Variants in ADK observed in about 807,000 individuals in gnomAD.
The protein encoded by ADK is N6,N6-dimethyladenosine kinase.
A neutral mutation model predicts 44.7 loss-of-function variants in ADK; 24 were observed. The ratio of observed to expected loss-of-function variants is 0.54; its 90% CI spans 0.39 to 0.76. The LOEUF is 0.76. Ranked by LOEUF, ADK falls within the 30% of genes least tolerant of loss-of-function variation. The pLI is 0.00. For synonymous variants in ADK, 128 were observed against 142.6 expected (o/e 0.90, Z 0.73); for missense variants, 321 against 425.1 (o/e 0.76, Z 2.15).
At chr10:74,563,510 A>G (rs1850536501) in intron 7 of ADK, among the ~76,000 whole-genome samples, 1 of 152,246 alleles carries the variant, frequency 6.6e-6, no homozygotes, top group Non-Finnish European at 1.5e-5. Context: ...CATAGAGCAC[A>G]TACAATAGGT....
rs1423441752 is a variant in ADK at position 74,709,208 on chromosome 10, A to C, written c.*763A>C. The C allele has an allele frequency of 3.3e-5, 5 of 152,220 alleles. No individual in the cohort carries two copies. The highest frequency in any genetic ancestry group is 7.3e-5 in the Non-Finnish European group (5 of 68,054). The allele number at this position is 152,220 out of a possible 1,614,324, so 9.4% of individuals were successfully genotyped here. Reference sequence around the variant, plus strand: ...GCCCTGAAATGACACCCAATTTGTTAATGGAATTATGAAGAACAGCAATAT... The same window carrying C: ...GCCCTGAAATGACACCCAATTTGTTCATGGAATTATGAAGAACAGCAATAT... On this transcript the variant is annotated 3_prime_UTR_variant, in exon 11 of 11. Transcript: ENST00000539909.
At chr10:74,570,205 C>T (rs375312785) in intron 7 of ADK, among the ~76,000 whole-genome samples, 4 of 151,838 alleles carry the variant, frequency 2.6e-5, no homozygotes, top group African/African-American at 9.7e-5. Context: ...AGTCAGGTAG[C>T]GTGATGCCTC....
intron 9 of ADK, among the ~76,000 whole-genome samples, chr10:74,612,232 T>A (rs1012450585): frequency 6.6e-6 from 1 of 152,170 alleles, no homozygotes; most frequent in African/African-American, 2.4e-5. Context: ...TGTGGAACAT[T>A]TTTCATATGT....
intron 6 of ADK, among the ~76,000 whole-genome samples, chr10:74,418,888 G>A (rs927543613): frequency 6.6e-6 from 1 of 152,170 alleles, no homozygotes; most frequent in African/African-American, 2.4e-5. Flanking sequence ...GGATTTGATA[G>A]AGTAAAAGAA....
chr10:74,530,778 G>A (rs1849253964), intron 7 of ADK, among the ~76,000 whole-genome samples: 1 of 151,954 alleles, frequency 6.6e-6, no homozygotes, highest in South Asian at 2.1e-4. Flanking sequence ...ATACAAAAAA[G>A]CCTGGCAGGG....
intron 3 of ADK, among the ~76,000 whole-genome samples, chr10:74,279,537 C>T (rs1300898386): frequency 1.3e-5 from 2 of 151,402 alleles, no homozygotes; most frequent in South Asian, 4.2e-4. Flanking sequence ...CGAGATCGTA[C>T]CACTGCACTC....
intron 3 of ADK, among the ~76,000 whole-genome samples, chr10:74,272,246 A>G (rs1356017051): frequency 6.6e-6 from 1 of 151,788 alleles, no homozygotes; most frequent in African/African-American, 2.4e-5. Flanking sequence ...TTATTTAAAT[A>G]CTGTGTGATG....
chr10:74,525,545 T>C (rs748357660), intron 7 of ADK, 119 bp downstream of exon 7: 47 of 915,000 alleles, frequency 5.1e-5, no homozygotes, highest in Non-Finnish European at 6.9e-5. Flanking sequence ...TAAATGTCCT[T>C]GAGAATTGTG....
rs200875217 is a variant in ADK at position 74,316,027 on chromosome 10, CAGGAGA to C, written c.273+1283_273+1288del. ...CCGAGGTGGACGGATCACTTGAGGT[CAGGAGA>C]TCCAGATCAGCCTGGCCAACATGGT... On this transcript the variant is annotated intron_variant, in intron 4 of 10. Coordinates refer to ENST00000539909, the MANE Select transcript of ADK (RefSeq NM_006721.4). Among the ~76,000 whole-genome samples the C allele has an allele frequency of 2.8e-4, 43 of 152,220 alleles. 1 individual carries two copies. In the East Asian group the frequency reaches 7.7e-3, roughly 27 times the overall value.
chr10:74,692,975 T>C (rs1856047145), intron 10 of ADK, among the ~76,000 whole-genome samples: 2 of 152,258 alleles, frequency 1.3e-5, no homozygotes, highest in South Asian at 4.2e-4. Context: ...AGTCAGTAGC[T>C]ACCATGGGCT....
chr10:74,361,151 G>A (rs191574832), intron 4 of ADK, among the ~76,000 whole-genome samples: 122 of 152,246 alleles, frequency 8.0e-4, no homozygotes, highest in Non-Finnish European at 1.2e-3. Flanking sequence ...TGATCCACCC[G>A]CCTCGGCCTC....
chr10:74,173,980 T>C (rs1842243211), intron 1 of ADK, among the ~76,000 whole-genome samples: 1 of 152,024 alleles, frequency 6.6e-6, no homozygotes, highest in African/African-American at 2.4e-5. Context: ...CAGCATATAA[T>C]GGGTAAACCG....
intron 7 of ADK, among the ~76,000 whole-genome samples, chr10:74,549,901 C>A (rs145027846): frequency 6.6e-6 from 1 of 152,074 alleles, no homozygotes; most frequent in African/African-American, 2.4e-5. Context: ...ACATAAAAGA[C>A]GATTTCCTGA....
intron 9 of ADK, among the ~76,000 whole-genome samples, chr10:74,616,659 G>A (rs542172232): frequency 1.3e-5 from 2 of 152,222 alleles, no homozygotes; most frequent in South Asian, 4.1e-4. Flanking sequence ...TCAGTCTTCT[G>A]AGTTTGTTCT....
chr10:74,205,821 A>C (rs1483582715), intron 2 of ADK, among the ~76,000 whole-genome samples: 1 of 152,190 alleles, frequency 6.6e-6, no homozygotes, highest in African/African-American at 2.4e-5. Flanking sequence ...TCCTGATGAA[A>C]AAAAATAACT....
At chr10:74,698,478 A>G (rs1435155572) in intron 10 of ADK, among the ~76,000 whole-genome samples, 1 of 152,228 alleles carries the variant, frequency 6.6e-6, no homozygotes, top group Non-Finnish European at 1.5e-5. Flanking sequence ...ATACATTCAA[A>G]GTCAGTTATT....
At chr10:74,251,681 A>G (rs969694245) in intron 3 of ADK, among the ~76,000 whole-genome samples, 3 of 152,198 alleles carry the variant, frequency 2.0e-5, no homozygotes, top group Non-Finnish European at 4.4e-5. Context: ...ACAATCTGAC[A>G]TTAAAACTCA....
chr10:74,235,411 G>A (rs936890581), intron 3 of ADK, among the ~76,000 whole-genome samples: 6 of 151,984 alleles, frequency 3.9e-5, no homozygotes, highest in South Asian at 2.1e-4. Flanking sequence ...CATAGTGATC[G>A]TTCCACCTCA....
chr10:74,672,378 C>G (rs970676374), intron 10 of ADK, among the ~76,000 whole-genome samples: 9 of 152,136 alleles, frequency 5.9e-5, no homozygotes, highest in Non-Finnish European at 1.0e-4. Context: ...CAGAGTTGGC[C>G]TACAGACTAT....
Sources: allele counts gnomAD v4.1 joint callset (sites outside exome capture counted in the v4.1 genomes callset), GRCh38; gene constraint gnomAD v4.1.1; transcripts MANE v1.5; gene names NCBI Gene and HGNC (gene_info 2026-07-23, HGNC 2026-07-21).